Variants in TENM4 observed in about 807,000 individuals in gnomAD.
TENM4 encodes the protein teneurin-4.
Under a neutral mutation model 243.3 loss-of-function variants are expected in TENM4, and 82 were observed. That is an observed-to-expected ratio of 0.34 (90% confidence interval 0.28 to 0.40). The LOEUF is 0.40. TENM4 is among the 10% of genes least tolerant of loss of function. TENM4 has a pLI of 1.00. For synonymous variants in TENM4, 1,412 were observed against 1,456.3 expected, an observed-to-expected ratio of 0.97 and a Z score of 0.69; for missense variants, 3,138 against 3,673.3, an observed-to-expected ratio of 0.85 and a Z score of 3.77.
intron 3 of TENM4, among the ~76,000 whole-genome samples, chr11:79,195,982 A>T (rs974978991): frequency 6.6e-6 from 1 of 152,056 alleles, no homozygotes; most frequent in African/African-American, 2.4e-5. Flanking sequence ...GGTCTTTCCC[A>T]TGTTATTCTC....
At chr11:78,979,821 CAT>C (rs1303095276) in intron 6 of TENM4, among the ~76,000 whole-genome samples, 8 of 152,170 alleles carry the variant, frequency 5.3e-5, no homozygotes, top group Admixed American at 1.3e-4. Context: ...GCTCTAGATC[CAT>C]CATCAGTTAT....
At chr11:78,943,842 A>G (rs1406096885) in intron 6 of TENM4, among the ~76,000 whole-genome samples, 1 of 152,228 alleles carries the variant, frequency 6.6e-6, no homozygotes. Flanking sequence ...TCTATTTATT[A>G]AAGATTCTAT....
chr11:79,405,847 C>CAAAAAAAAAAAAA (rs763128589), intron 1 of TENM4, among the ~76,000 whole-genome samples: 1 of 69,266 alleles, frequency 1.4e-5, no homozygotes, highest in Non-Finnish European at 2.9e-5. Context: ...ATTGTGATTT[C>CAAAAAAAAAAAAA]AAAAAAAAAA....
At chr11:79,363,474 A>G (rs538381950) in intron 1 of TENM4, among the ~76,000 whole-genome samples, 21 of 152,348 alleles carry the variant, frequency 1.4e-4, no homozygotes, top group African/African-American at 2.4e-4. Flanking sequence ...TGGCTGTGCC[A>G]CTTCCCAGCT....
chr11:79,218,241 C>CCCG (rs1555029553), intron 2 of TENM4, among the ~76,000 whole-genome samples: 2 of 143,944 alleles, frequency 1.4e-5, no homozygotes, highest in Non-Finnish European at 3.0e-5. Context: ...CCCACCCACC[C>CCCG]CCGACACACA....
At chr11:78,989,728 G>A (rs1441453406) in intron 6 of TENM4, among the ~76,000 whole-genome samples, 1 of 152,166 alleles carries the variant, frequency 6.6e-6, no homozygotes, top group Non-Finnish European at 1.5e-5. Flanking sequence ...AGTGCTTAAT[G>A]AATGCAGCAA....
rs547150901 is a variant in TENM4, at chr11:79,346,935, C to T, written c.-320-49392G>A. 2.2e-4 allele frequency among the ~76,000 whole-genome samples: 33 copies of T among 152,276 alleles called. 1 individual carries two copies. The South Asian group carries it at 2.5e-3, about 11-fold the overall frequency. ...TCTCTTAGGTCCTGATCTCATGGTTCGGGGTTTCTCTCCTTATCCCACCAA... is the reference window on the plus strand; with the variant it reads ...TCTCTTAGGTCCTGATCTCATGGTTTGGGGTTTCTCTCCTTATCCCACCAA... On this transcript the variant is annotated intron_variant, in intron 1 of 33. Coordinates refer to ENST00000278550, the MANE Select transcript of TENM4 (RefSeq NM_001098816.3).
intron 18 of TENM4, among the ~76,000 whole-genome samples, chr11:78,769,868 T>C (rs1361611813): frequency 2.0e-5 from 3 of 152,204 alleles, no homozygotes; most frequent in Non-Finnish European, 2.9e-5. Context: ...TCAAGGCAAA[T>C]AAACCACAGA....
At chr11:78,964,121 C>T (rs1200231139) in intron 6 of TENM4, among the ~76,000 whole-genome samples, 7 of 149,212 alleles carry the variant, frequency 4.7e-5, no homozygotes, top group Middle Eastern at 3.5e-3. Context: ...TGGCTCACTG[C>T]GTCGTCTGCC....
At chr11:78,916,485 T>G (rs1388024680) in intron 6 of TENM4, among the ~76,000 whole-genome samples, 1 of 152,218 alleles carries the variant, frequency 6.6e-6, no homozygotes, top group Non-Finnish European at 1.5e-5. Context: ...AATTAAGCCT[T>G]TGTCCATGTA....
intron 3 of TENM4, among the ~76,000 whole-genome samples, chr11:79,213,315 A>G (rs560966089): frequency 2.0e-5 from 3 of 152,328 alleles, no homozygotes; most frequent in African/African-American, 7.2e-5. Context: ...TGTGCCAGGC[A>G]TCTTTCCTGG....
intron 1 of TENM4, among the ~76,000 whole-genome samples, chr11:79,367,732 A>T (rs1857703887): frequency 6.6e-6 from 1 of 152,226 alleles, no homozygotes; most frequent in African/African-American, 2.4e-5. Context: ...GACTCAAATT[A>T]TTGGAAGAAA....
At chr11:78,864,056 A>T (rs945558550) in intron 9 of TENM4, among the ~76,000 whole-genome samples, 1 of 152,218 alleles carries the variant, frequency 6.6e-6, no homozygotes, top group African/African-American at 2.4e-5. Context: ...AACATGCAGA[A>T]GTGTATTTGA....
intron 6 of TENM4, among the ~76,000 whole-genome samples, chr11:78,954,063 T>C (rs1417983150): frequency 2.6e-5 from 4 of 152,200 alleles, no homozygotes; most frequent in Non-Finnish European, 5.9e-5. Context: ...ATATAAATAA[T>C]GGCAGTTCAG....
In TENM4 at chr11:79,069,887, G is replaced by T. The variant is rs1313334113; in HGVS notation, c.58C>A (p.Arg20Ser). The T allele has an allele frequency of 3.2e-6, 5 of 1,548,638 alleles. No homozygotes were observed. Among genetic ancestry groups the T allele is most frequent in the Non-Finnish European group, 4.4e-6 (5 of 1,146,778 alleles). ...TCCGCGGACGAGCTGGTGTAGCGGC[G>T]CTCGGCGTCGCGGCGCCGGGTCAGC... is the stretch of plus-strand genomic sequence containing the variant. The part of the protein sequence containing the change: ...RSLTRRRDAE[R>S]RYTSSSADSE... The change falls in exon 5 of 34, where the codon CGC (arginine) becomes AGC (serine). Residue 20 changes from arginine (R) to serine (S), a missense_variant. Around this residue, in one of 2 missense-constraint regions of TENM4, gnomAD observed 671 missense variants for 614.1 expected, o/e 1.09. Transcript: ENST00000278550.
chr11:78,845,463 C>T lies in TENM4; in HGVS notation c.1681+8641G>A, dbSNP rs563817013. On this transcript the variant is annotated intron_variant, in intron 12 of 33. Transcript: ENST00000278550. ...GCTGGGCTGACTCCAAAGCCTTTGT[C>T]CTTTCCTCGGACCACACCATCTATC... Among the ~76,000 whole-genome samples the T allele has an allele frequency of 3.3e-5, 5 of 152,338 alleles. No homozygotes were observed. In the South Asian group the frequency reaches 1.0e-3, roughly 32 times the overall value.
chr11:78,749,550 G>C (rs1354350623), intron 19 of TENM4, among the ~76,000 whole-genome samples: 1 of 152,166 alleles, frequency 6.6e-6, no homozygotes, highest in Non-Finnish European at 1.5e-5. Context: ...AGCCTGGGTG[G>C]AGGTGTGGGG....
At chr11:79,342,952 A>C (rs1462258438) in intron 1 of TENM4, among the ~76,000 whole-genome samples, 1 of 152,204 alleles carries the variant, frequency 6.6e-6, no homozygotes, top group Non-Finnish European at 1.5e-5. Context: ...GTGTTTGCAC[A>C]GTTGTTTGAG....
intron 4 of TENM4, among the ~76,000 whole-genome samples, chr11:79,125,212 T>A (rs999279414): frequency 1.3e-5 from 2 of 152,154 alleles, no homozygotes; most frequent in Admixed American, 6.5e-5. Flanking sequence ...AGGGGTTTAG[T>A]GACTCTATAC....
Sources: gnomAD v4.1 joint callset for allele counts (sites outside exome capture counted in the v4.1 genomes callset) on GRCh38, gnomAD v4.1.1 for gene constraint, gnomAD v4.1.1 regional missense constraint, MANE v1.5 for transcripts, NCBI Gene and HGNC (gene_info 2026-07-23, HGNC 2026-07-21) for gene names.